The following LRP2BP variants were observed in gnomAD, a reference collection of about 807,000 sequenced individuals.
LRP2BP encodes LRP2-binding protein.
A neutral mutation model predicts 45.2 loss-of-function variants in LRP2BP; 38 were observed. The observed-to-expected ratio is 0.84, with a 90% CI of 0.65 to 1.10. LRP2BP has a LOEUF of 1.10. LRP2BP is among the 50% of genes least tolerant of loss of function. The pLI, the probability that LRP2BP is intolerant of heterozygous loss-of-function variation, is 0.00. For missense variants in LRP2BP, 385 were observed against 418.9 expected, an observed-to-expected ratio of 0.92 and a Z score of 0.71; for synonymous variants, 153 against 153.9, an observed-to-expected ratio of 0.99 and a Z score of 0.04.
At chr4:185,385,093 T>C (rs1307785519) in intron 1 of LRP2BP, among the ~76,000 whole-genome samples, 1 of 152,180 alleles carries the variant, frequency 6.6e-6, no homozygotes, top group Non-Finnish European at 1.5e-5. Flanking sequence ...AAGAGTCCAG[T>C]AGCTTTTGAT....
chr4:185,391,100 T>C (rs1390012161), intron 1 of LRP2BP, among the ~76,000 whole-genome samples: 1 of 152,240 alleles, frequency 6.6e-6, no homozygotes, highest in Non-Finnish European at 1.5e-5. Context: ...TTGTTTTTCA[T>C]AACCTTCACA....
At chr4:185,377,200 G>A (rs1483092647) in intron 2 of LRP2BP, 182 bp from the exon 3 acceptor site, 1 of 584,642 alleles carries the variant, frequency 1.7e-6, no homozygotes, top group East Asian at 2.9e-5. Context: ...ATGGTCACAG[G>A]CCCTAACACT....
chr4:185,395,158 G>A lies in LRP2BP; in HGVS notation c.-401C>T. ...TGATTAAAGGGAGAAAAGCTGTAAC[G>A]ACTCCCCAAATTTCCTTTCCTTATG... On this transcript the variant is annotated 5_prime_UTR_variant, in exon 1 of 9. Transcript: ENST00000505916. 1 of 985,338 alleles carries A rather than the reference G, an allele frequency of 1.0e-6. No homozygotes were observed. The highest frequency in any genetic ancestry group is 1.2e-6 in the Non-Finnish European group (1 of 829,920). 61.0% of individuals were successfully genotyped at this position (985,338 alleles called of 1,614,324 possible).
chr4:185,396,567 G>A, upstream of LRP2BP: 1 of 297,432 alleles, frequency 3.4e-6, no homozygotes, highest in Non-Finnish European at 6.3e-6. Flanking sequence ...AGGCTCCGTG[G>A]GGCCGCCGCG....
At chr4:185,393,849 TAAG>T (rs1158987795) in intron 1 of LRP2BP, among the ~76,000 whole-genome samples, 2 of 152,134 alleles carry the variant, frequency 1.3e-5, no homozygotes, top group Admixed American at 6.5e-5. Context: ...ATTACTTGAA[TAAG>T]AAGTACTAGG....
At chr4:185,394,069 G>A (rs577547583) in intron 1 of LRP2BP, among the ~76,000 whole-genome samples, 1 of 152,166 alleles carries the variant, frequency 6.6e-6, no homozygotes, top group African/African-American at 2.4e-5. Context: ...GACCAGCCTG[G>A]GCAACACAGT....
intron 1 of LRP2BP, among the ~76,000 whole-genome samples, chr4:185,390,203 T>C (rs1304620451): frequency 6.6e-6 from 1 of 152,100 alleles, no homozygotes; most frequent in African/African-American, 2.4e-5. Flanking sequence ...CACTCATATC[T>C]CATCAGTTAC....
At chr4:185,377,292 G>T in intron 2 of LRP2BP, 1 of 336,790 alleles carries the variant, frequency 3.0e-6, no homozygotes, top group East Asian at 5.6e-5. Flanking sequence ...GCCGAGGCGG[G>T]TGGATCACCT....
chr4:185,388,435 A>G (rs2095478005), intron 1 of LRP2BP, among the ~76,000 whole-genome samples: 3 of 151,998 alleles, frequency 2.0e-5, no homozygotes, highest in Admixed American at 6.6e-5. Flanking sequence ...TTTACTATCT[A>G]TCTACCTATC....
At chr4:185,371,286 T>A (rs7685497) in intron 7 of LRP2BP, among the ~76,000 whole-genome samples, 7,021 of 152,138 alleles carry the variant, frequency 0.046, 191 homozygotes, top group African/African-American at 0.066. Context: ...ACGCCTGTAA[T>A]CCCAGCACTT....
intron 3 of LRP2BP, 72 bp downstream of exon 3, chr4:185,376,837 A>G (rs2095439710): frequency 9.8e-7 from 1 of 1,023,356 alleles, no homozygotes; most frequent in African/African-American, 1.6e-5. Flanking sequence ...AAGAAACTCT[A>G]CATGAAATTT....
At position 185,385,909 on chromosome 4, in the gene LRP2BP, G is replaced by T. The variant is rs796745922; in HGVS notation, c.-21-7702C>A. Among the ~76,000 whole-genome samples the T allele has an allele frequency of 2.6e-4, 20 of 77,532 alleles. 1 individual carries two copies. Among genetic ancestry groups the T allele is most frequent in the African/African-American group, 6.9e-4 (19 of 27,644 alleles). 50.9% of individuals were successfully genotyped at this position (77,532 alleles called of 152,430 possible). ...GAGCAAGACTCTGTCTCGGGGAGGG[G>T]GGGGGGGAGATAAAGAAATAACATC... On this transcript the variant is annotated intron_variant, in intron 1 of 8. Transcript: ENST00000505916.
chr4:185,396,637 C>G, upstream of LRP2BP: 1 of 480,732 alleles, frequency 2.1e-6, no homozygotes, highest in South Asian at 2.6e-5. Context: ...GGCGGATGGC[C>G]TCGCGCGCCC....
In LRP2BP at chr4:185,367,228, G is replaced by A. The variant is rs1251970350; in HGVS notation, c.996C>T (p.Pro332=). 2 of 1,611,818 alleles carry A rather than the reference G, an allele frequency of 1.2e-6. No individual in the cohort carries two copies. Among genetic ancestry groups the A allele is most frequent in the South Asian group, 1.1e-5 (1 of 90,810 alleles). ...HYYSKACRLN[P]ALADELHSLL... is the part of the protein sequence containing the mutation. ...AGGAGTGAAGTTCATCTGCCAATGCGGGATTCAGACGACAAGCCTTAAAAT... is the reference window on the plus strand; with the variant it reads ...AGGAGTGAAGTTCATCTGCCAATGCAGGATTCAGACGACAAGCCTTAAAAT... Residue 332 remains proline (P), a synonymous_variant, in exon 9 of 9, where the codon CCC becomes CCT. Coordinates refer to ENST00000505916, the MANE Select transcript of LRP2BP (RefSeq NM_001377440.1).
In LRP2BP at chr4:185,376,947, G is replaced by C. The variant is rs754345592; in HGVS notation, c.178C>G (p.Leu60Val). 23 of 1,613,682 alleles carry C rather than the reference G, an allele frequency of 1.4e-5. No homozygotes were observed. Among genetic ancestry groups the C allele is most frequent in the Non-Finnish European group, 1.9e-5 (22 of 1,179,708 alleles). The change falls in exon 3 of 9, where the codon CTG becomes GTG. Residue 60 changes from leucine to valine, a missense_variant. Physicochemically the swap from Leu to Val is conservative, Grantham distance 32. Transcript: ENST00000505916. ...AGTTGACCTCGTAGGAAATATGCCA[G>C]AGTGTCTCCTTTCAGTATTCTTTCC... ...LKERILKGDT[L>V]AYFLRGQLYF... is the part of the protein sequence containing the mutation.
upstream of LRP2BP, chr4:185,396,966 A>C (rs1439139146): frequency 6.2e-7 from 1 of 1,612,558 alleles, no homozygotes; most frequent in Admixed American, 1.7e-5. Context: ...ATTCGGGCTC[A>C]CAGAGCCCGA....
In LRP2BP at chr4:185,364,783, A is replaced by T. The variant is rs2095380565; in HGVS notation, c.*2397T>A. On this transcript the variant is annotated 3_prime_UTR_variant, in exon 9 of 9. Transcript: ENST00000505916. ...GAAAAGACCAGATAAAATACATTCA[A>T]GGAAGAGAGGCAATGTGAAGTTGTC... 1 of 152,224 alleles carries T rather than the reference A, an allele frequency of 6.6e-6. No individual in the cohort carries two copies. Among genetic ancestry groups the T allele is most frequent in the African/African-American group, 2.4e-5 (1 of 41,452 alleles). 9.4% of individuals were successfully genotyped at this position (152,224 alleles called of 1,614,324 possible).
upstream of LRP2BP, chr4:185,395,946 T>C: frequency 1.0e-6 from 1 of 956,454 alleles, no homozygotes; most frequent in South Asian, 4.8e-5. Flanking sequence ...CTGACGTCAG[T>C]AGCTGCCATC....
rs1434626609 is a variant in LRP2BP, at chr4:185,389,185, A to T, written c.-22+5594T>A. ...TGAGCCACTACACCTGGCCTTTTTT[A>T]ATTTTTATTTATTTTTATTTTTATT... is the stretch of plus-strand genomic sequence containing the variant. On this transcript the variant is annotated intron_variant, in intron 1 of 8. Transcript: ENST00000505916. Among the ~76,000 whole-genome samples, 6 of 150,116 alleles carry T rather than the reference A, an allele frequency of 4.0e-5. No individual in the cohort carries two copies. In the East Asian group the frequency reaches 9.7e-4, roughly 24 times the overall value.
Sources: gnomAD v4.1 joint callset for allele counts (sites outside exome capture counted in the v4.1 genomes callset) on GRCh38, gnomAD v4.1.1 for gene constraint, MANE v1.5 for transcripts, NCBI Gene and HGNC (gene_info 2026-07-23, HGNC 2026-07-21) for gene names.